Variants in ACSF3 observed in about 807,000 individuals in gnomAD.
ACSF3 encodes the protein malonate--CoA ligase ACSF3, mitochondrial.
Under a neutral mutation model 53.2 loss-of-function variants are expected in ACSF3, and 78 were observed. That is an observed-to-expected ratio of 1.47 (90% CI 1.22 to 1.77). The LOEUF is 1.77. Ranked by LOEUF, ACSF3 falls within the 40% of genes most tolerant of loss-of-function variation. The probability of loss-of-function intolerance (pLI) is 0.00; values close to 1 mark genes in which losing one functional copy is unlikely to be tolerated. For synonymous variants in ACSF3, 414 were observed against 333.1 expected (o/e 1.24, Z -2.65); for missense variants, 937 against 771.1 (o/e 1.22, Z -2.55).
Position 89,137,520 on chromosome 16 carries a change from C to G in ACSF3, c.1366+4258C>G, listed in dbSNP as rs576309003. On this transcript the variant is annotated intron_variant, in intron 8 of 10. Coordinates refer to ENST00000614302, the MANE Select transcript of ACSF3 (RefSeq NM_001243279.3). ...AGAGCCCCAGGTCTCGGGAGGACCA[C>G]CAGGAGCTCACGGGGAAAGATTGAG... 6.9e-5 allele frequency among the ~76,000 whole-genome samples: 9 copies of G among 131,134 alleles called. No individual in the cohort carries two copies. The East Asian group carries it at 2.1e-3, about 31-fold the overall frequency. 86.0% of individuals were successfully genotyped at this position (131,134 alleles called of 152,430 possible).
chr16:89,123,148 C>T (rs7501421), intron 7 of ACSF3, among the ~76,000 whole-genome samples: 21,143 of 152,144 alleles, frequency 0.14, 1,579 homozygotes, highest in African/African-American at 0.2. Flanking sequence ...GTACAGCTGC[C>T]CTGCGGGGCC....
intron 8 of ACSF3, among the ~76,000 whole-genome samples, chr16:89,142,903 C>T (rs1912139563): frequency 6.6e-6 from 1 of 152,224 alleles, no homozygotes; most frequent in South Asian, 2.1e-4. Flanking sequence ...CTGTGAAGGG[C>T]ACTCATTCCT....
chr16:89,126,814 A>G (rs1171399422), intron 7 of ACSF3, among the ~76,000 whole-genome samples: 1 of 152,192 alleles, frequency 6.6e-6, no homozygotes, highest in African/African-American at 2.4e-5. Context: ...GACTTCCAAT[A>G]CGATACTGAA....
chr16:89,155,980 A>G lies in ACSF3; in HGVS notation c.*1773A>G, dbSNP rs1914664890. 1 of 361,140 alleles carries G rather than the reference A, an allele frequency of 2.8e-6. No individual in the cohort carries two copies. Among genetic ancestry groups the G allele is most frequent in the South Asian group, 2.1e-5 (1 of 46,626 alleles). 22.4% of individuals were successfully genotyped at this position (361,140 alleles called of 1,614,324 possible). On this transcript the variant is annotated 3_prime_UTR_variant, in exon 11 of 11. Transcript: ENST00000614302. ...GAGCTCGTTGACCACAAACTACAGAAAGCCTGGAGCTCGTTGACCAGCCGG... is the reference window on the plus strand; with the variant it reads ...GAGCTCGTTGACCACAAACTACAGAGAGCCTGGAGCTCGTTGACCAGCCGG...
intron 10 of ACSF3, chr16:89,153,549 G>A (rs560039292): frequency 8.8e-4 from 151 of 170,978 alleles, no homozygotes; most frequent in South Asian, 6.5e-3. Context: ...CGTCCCTGCC[G>A]TGCAGGGCTC....
rs553066555 is a variant in ACSF3, at chr16:89,146,745, A to T, written c.1613+696A>T. ...TTTGTTTTGCCTTTACCTTACCCAG[A>T]ACCTTTCCCCAAGGACTTTCTCCCA... On this transcript the variant is annotated intron_variant, in intron 10 of 10. Coordinates refer to ENST00000614302, the MANE Select transcript of ACSF3 (RefSeq NM_001243279.3). Among the ~76,000 whole-genome samples the T allele has an allele frequency of 2.6e-5, 4 of 152,226 alleles. No individual in the cohort carries two copies. The South Asian group carries it at 8.3e-4, about 32-fold the overall frequency.
rs2151565033 is a variant in ACSF3 at position 89,146,069 on chromosome 16, G to GGGGGGGGGGGC, written c.1613+20_1613+21insGGGGGGGGGGC. 9.3e-6 allele frequency: 5 copies of GGGGGGGGGGGC among 534,896 alleles called. No homozygotes were observed. Among genetic ancestry groups the GGGGGGGGGGGC allele is most frequent in the Non-Finnish European group, 1.9e-5 (5 of 262,888 alleles). 33.1% of individuals were successfully genotyped at this position (534,896 alleles called of 1,614,324 possible). A position where few individuals can be genotyped will look rare whatever the true frequency, so the allele number is the denominator to read the frequency against. ...GGCCAGGTAGGGCTGGGTGGGGCGG[G>GGGGGGGGGGGC]CAGGGAGCACTCATGGGGTCTTGGG... On this transcript the variant is annotated intron_variant, in intron 10 of 10. Coordinates refer to ENST00000614302, the MANE Select transcript of ACSF3 (RefSeq NM_001243279.3).
intron 6 of ACSF3, among the ~76,000 whole-genome samples, chr16:89,119,603 G>A (rs1906112010): frequency 1.3e-5 from 2 of 152,214 alleles, no homozygotes; most frequent in Non-Finnish European, 2.9e-5. Flanking sequence ...ATGGAAGAAA[G>A]GGGGCTGAAG....
rs1348852600 is a variant in ACSF3 at position 89,120,872 on chromosome 16, T to C, written c.1198T>C (p.Ser400Pro). 2.5e-6 allele frequency: 4 copies of C among 1,613,940 alleles called. No homozygotes were observed. Among genetic ancestry groups the C allele is most frequent in the Non-Finnish European group, 2.5e-6 (3 of 1,180,008 alleles). ...VSENPQREAC[S>P]YTIHAEGDER... ...AGAAAACCCACAGAGGGAAGCCTGCTCCTACACCATCCACGCAGAGGGAGA... is the reference window on the plus strand; with the variant it reads ...AGAAAACCCACAGAGGGAAGCCTGCCCCTACACCATCCACGCAGAGGGAGA... Residue 400 changes from serine (S) to proline (P), a missense_variant, in exon 7 of 11, where the codon TCC becomes CCC. Ser to Pro is a moderately conservative substitution (Grantham distance 74, BLOSUM62 -1). Coordinates refer to ENST00000614302, the MANE Select transcript of ACSF3 (RefSeq NM_001243279.3).
intron 4 of ACSF3, among the ~76,000 whole-genome samples, chr16:89,108,101 C>T (rs976720103): frequency 2.0e-5 from 3 of 152,184 alleles, no homozygotes; most frequent in African/African-American, 7.2e-5. Flanking sequence ...TATTCACTAT[C>T]ATGAGAATAG....
intron 1 of ACSF3, among the ~76,000 whole-genome samples, chr16:89,094,277 C>G (rs1296157580): frequency 6.6e-6 from 1 of 152,150 alleles, no homozygotes; most frequent in African/African-American, 2.4e-5. Flanking sequence ...GGTCCGTGTT[C>G]AGGCATCCTC....
chr16:89,136,415 T>C (rs924092869), intron 8 of ACSF3: 1 of 904,620 alleles, frequency 1.1e-6, no homozygotes, highest in Non-Finnish European at 1.5e-6. Context: ...AAGCCGCATG[T>C]CTTTGTCACA....
intron 7 of ACSF3, chr16:89,122,527 C>T: frequency 2.9e-6 from 1 of 339,204 alleles, no homozygotes; most frequent in Non-Finnish European, 6.1e-6. Context: ...GTGCCCCTGC[C>T]CCCAACTCGA....
chr16:89,133,578 G>A (rs956204618), intron 8 of ACSF3, among the ~76,000 whole-genome samples: 7 of 152,158 alleles, frequency 4.6e-5, no homozygotes, highest in African/African-American at 1.2e-4. Flanking sequence ...CACAGACGCC[G>A]GGCCCCACGC....
At chr16:89,114,923 G>C (rs920417702) in intron 6 of ACSF3, 7 of 329,480 alleles carry the variant, frequency 2.1e-5, no homozygotes, top group African/African-American at 4.3e-5. Flanking sequence ...TGGTGGGCAG[G>C]GTGGGATGAG....
At chr16:89,102,942 C>T (rs778746575) in intron 4 of ACSF3, among the ~76,000 whole-genome samples, 183 bp downstream of exon 4, 10 of 152,224 alleles carry the variant, frequency 6.6e-5, no homozygotes, top group Non-Finnish European at 1.2e-4. Context: ...CCACAGGGGA[C>T]GTGCCAATGC....
chr16:89,126,929 A>G (rs1908239104), intron 7 of ACSF3, among the ~76,000 whole-genome samples: 2 of 152,198 alleles, frequency 1.3e-5, no homozygotes, highest in African/African-American at 4.8e-5. Context: ...CATTCTATCT[A>G]TAATGTGCTT....
chr16:89,100,986 G>A lies in ACSF3; in HGVS notation c.305G>A (p.Cys102Tyr). The A allele has an allele frequency of 6.2e-7, 1 of 1,613,568 alleles. No individual in the cohort carries two copies. The highest frequency in any genetic ancestry group is 8.5e-7 in the Non-Finnish European group (1 of 1,179,786). ...DLREERVSFL[C>Y]ANDASYVVAQ... ...CGGGAGGAGAGGGTCTCCTTCCTATGCGCTAACGATGCCTCCTACGTCGTG... is the reference window on the plus strand; with the variant it reads ...CGGGAGGAGAGGGTCTCCTTCCTATACGCTAACGATGCCTCCTACGTCGTG... The change falls in exon 3 of 11, where the codon TGC (cysteine) becomes TAC (tyrosine). Residue 102 changes from cysteine to tyrosine, a missense_variant. Transcript: ENST00000614302.
At chr16:89,122,306 G>A (rs1906850666) in intron 7 of ACSF3, 1 of 351,102 alleles carries the variant, frequency 2.8e-6, no homozygotes, top group Non-Finnish European at 5.9e-6. Context: ...ACAGAGCCAT[G>A]GGGCAACTTG....
Sources: allele counts gnomAD v4.1 joint callset (sites outside exome capture counted in the v4.1 genomes callset), GRCh38; gene constraint gnomAD v4.1.1; transcripts MANE v1.5; gene names NCBI Gene and HGNC (gene_info 2026-07-23, HGNC 2026-07-21).